Variants in DNAH12 observed in about 807,000 individuals in gnomAD.
DNAH12 encodes axonemal beta dynein heavy chain 12.
In DNAH12, 285 loss-of-function variants were observed where a neutral mutation model predicts 371.5. The ratio of observed to expected loss-of-function variants is 0.77; its 90% CI spans 0.70 to 0.85. The LOEUF is 0.85. Ranked by LOEUF, DNAH12 falls within the 40% of genes least tolerant of loss-of-function variation. The probability of loss-of-function intolerance (pLI) is 0.00; values close to 1 mark genes in which losing one functional copy is unlikely to be tolerated. For synonymous variants in DNAH12, 1,200 were observed against 1,213.0 expected, an observed-to-expected ratio of 0.99 and a Z score of 0.22; for missense variants, 3,611 against 3,689.4, an observed-to-expected ratio of 0.98 and a Z score of 0.55.
At position 57,457,774 on chromosome 3, in the gene DNAH12, C is replaced by A. The variant is rs1226186383; in HGVS notation, c.3283G>T (p.Val1095Leu). 4 of 1,551,582 alleles carry A rather than the reference C, an allele frequency of 2.6e-6. No individual in the cohort carries two copies. The highest frequency in any genetic ancestry group is 3.5e-6 in the Non-Finnish European group (4 of 1,146,978). Residue 1095 changes from valine (V) to leucine (L), a missense_variant, in exon 22 of 74, where the codon GTG becomes TTG. Val to Leu is a conservative substitution (Grantham distance 32). This residue lies in a region of DNAH12 where 1,314 missense variants were observed against 1,398.7 expected (regional missense o/e 0.94). Transcript: ENST00000495027. The stretch of plus-strand genomic sequence containing the variant: ...ACACTCCGGAGCATTAGGTCTTCCA[C>A]TTGAATGAGCCACTTTTCCACAGCA... ...RGAVEKWLIQ[V>L]EDLMLRSVHD...
chr3:57,470,049 G>A (rs1456935159), intron 16 of DNAH12, among the ~76,000 whole-genome samples: 1 of 151,836 alleles, frequency 6.6e-6, no homozygotes, highest in African/African-American at 2.4e-5. Flanking sequence ...TAATTTTGGG[G>A]GTAAACATTA....
intron 39 of DNAH12, among the ~76,000 whole-genome samples, chr3:57,410,593 G>A (rs116805630): frequency 0.024 from 3,607 of 151,914 alleles, 67 homozygotes; most frequent in Admixed American, 0.035. Flanking sequence ...CCAAGGTGGT[G>A]GATCACTTGA....
chr3:57,338,652 C>T (rs887048574), intron 60 of DNAH12, among the ~76,000 whole-genome samples: 22 of 145,598 alleles, frequency 1.5e-4, no homozygotes, highest in Admixed American at 5.4e-4. Flanking sequence ...AAGTGAGGAG[C>T]GCCTCTGCCC....
At chr3:57,508,571 A>G (rs749934089) in intron 6 of DNAH12, 31 bp from the exon 7 acceptor site, 4 of 1,592,858 alleles carry the variant, frequency 2.5e-6, no homozygotes, top group Admixed American at 1.8e-5. Flanking sequence ...ATCAAACATG[A>G]TGAAAATAAT....
intron 30 of DNAH12, among the ~76,000 whole-genome samples, chr3:57,436,412 A>G (rs2065127020): frequency 6.6e-6 from 1 of 152,168 alleles, no homozygotes; most frequent in Admixed American, 6.5e-5. Flanking sequence ...TCACATGACC[A>G]GCTGGATTTC....
intron 57 of DNAH12, among the ~76,000 whole-genome samples, chr3:57,365,146 G>A (rs1316066542): frequency 1.3e-5 from 2 of 152,118 alleles, no homozygotes; most frequent in African/African-American, 2.4e-5. Context: ...CTATTATAAA[G>A]GTACATGCAC....
chr3:57,343,099 C>T (rs1553656783), intron 60 of DNAH12, among the ~76,000 whole-genome samples: 1 of 151,758 alleles, frequency 6.6e-6, no homozygotes, highest in Non-Finnish European at 1.5e-5. Context: ...GGCAAATGAT[C>T]TGAACAGACA....
chr3:57,459,729 G>A lies in DNAH12; in HGVS notation c.2794C>T (p.Gln932Ter). ...GGCTCTAAGTACAGCCATTGAGCTT[G>A]TACTTTTAACCATTCATCAATTGTT... is the stretch of plus-strand genomic sequence containing the variant. Reference protein sequence around the residue: ...QETIDEWLKVQAQWLYLEPIF... With the variant: ...QETIDEWLKV The change falls in exon 20 of 74, where the codon CAA becomes TAA. Residue 932 changes from glutamine to a stop codon, truncating the protein, a stop_gained. Coordinates refer to ENST00000495027, the MANE Select transcript of DNAH12 (RefSeq NM_001366028.2). LOFTEE classifies it high-confidence loss of function. The A allele has an allele frequency of 1.3e-6, 2 of 1,541,100 alleles. No homozygotes were observed. The highest frequency in any genetic ancestry group is 8.8e-7 in the Non-Finnish European group (1 of 1,140,058).
chr3:57,435,454 T>C (rs986952053), intron 30 of DNAH12, among the ~76,000 whole-genome samples: 7 of 151,382 alleles, frequency 4.6e-5, no homozygotes, highest in East Asian at 1.9e-4. Flanking sequence ...CAGACTAAGA[T>C]TGTGGCTCCC....
Position 57,314,504 on chromosome 3 carries a change from C to A in DNAH12, c.10652G>T (p.Arg3551Leu), listed in dbSNP as rs754339301. ...FNESDLRISI[R>L]QLQLFINEYD... is the part of the protein sequence containing the mutation. ...TCTTGTTAATTTTACCTGCAGTTGTCGGATACTGATGCGCAAGTCAGATTC... is the reference window on the plus strand; with the variant it reads ...TCTTGTTAATTTTACCTGCAGTTGTAGGATACTGATGCGCAAGTCAGATTC... Residue 3551 changes from arginine (R) to leucine (L), a missense_variant, in exon 66 of 74, where the codon CGA becomes CTA. This residue lies in a region of DNAH12 where 2,266 missense variants were observed against 2,236.9 expected (regional missense o/e 1.01). Coordinates refer to ENST00000495027, the MANE Select transcript of DNAH12 (RefSeq NM_001366028.2). 1.2e-5 allele frequency: 19 copies of A among 1,550,656 alleles called. No homozygotes were observed. The highest frequency in any genetic ancestry group is 1.7e-4 in the Middle Eastern group (1 of 5,986).
intron 65 of DNAH12, among the ~76,000 whole-genome samples, chr3:57,319,093 G>A (rs1279657589): frequency 6.6e-6 from 1 of 152,026 alleles, no homozygotes; most frequent in Non-Finnish European, 1.5e-5. Flanking sequence ...CTCCTCAGTT[G>A]AATTTATTCC....
intron 29 of DNAH12, among the ~76,000 whole-genome samples, chr3:57,442,918 G>A (rs1243617995): frequency 6.6e-6 from 1 of 152,134 alleles, no homozygotes; most frequent in Non-Finnish European, 1.5e-5. Flanking sequence ...ATATCGTAAA[G>A]AGAAGACATG....
Position 57,446,018 on chromosome 3 carries a change from TAA to T in DNAH12, c.4179+11_4179+12del. The T allele has an allele frequency of 3.2e-6, 1 of 311,578 alleles. No homozygotes were observed. Among genetic ancestry groups the T allele is most frequent in the African/African-American group, 2.5e-5 (1 of 39,716 alleles). 19.3% of individuals were successfully genotyped at this position (311,578 alleles called of 1,614,324 possible). ...TAAAATAAATAAATAAATAAATAAA[TAA>T]ATAATATTACCTTAAGATTGTCCGG... is the stretch of plus-strand genomic sequence containing the variant. On this transcript the variant is annotated intron_variant, in intron 27 of 73. Coordinates refer to ENST00000495027, the MANE Select transcript of DNAH12 (RefSeq NM_001366028.2).
chr3:57,500,891 G>C (rs2067518595), intron 11 of DNAH12, among the ~76,000 whole-genome samples: 1 of 152,078 alleles, frequency 6.6e-6, no homozygotes, highest in African/African-American at 2.4e-5. Flanking sequence ...GAGTAAGAAG[G>C]ACTACAGGCA....
intron 37 of DNAH12, among the ~76,000 whole-genome samples, chr3:57,416,562 C>T (rs996219406): frequency 7.9e-5 from 12 of 152,200 alleles, no homozygotes; most frequent in East Asian, 5.8e-4. Context: ...GACATGGGGG[C>T]AGCATGTGAA....
chr3:57,324,585 G>A (rs1174726397), intron 62 of DNAH12, among the ~76,000 whole-genome samples: 2 of 152,120 alleles, frequency 1.3e-5, no homozygotes, highest in East Asian at 1.9e-4. Flanking sequence ...AGCCTGGGGG[G>A]AGGAGCCAAG....
chr3:57,501,487 T>C, intron 10 of DNAH12, 75 bp from the exon 11 acceptor site: 1 of 996,680 alleles, frequency 1.0e-6, no homozygotes, highest in Non-Finnish European at 1.5e-6. Context: ...TATATGATCA[T>C]GGAATGGGGA....
chr3:57,457,197 T>C (rs965645966), intron 22 of DNAH12, among the ~76,000 whole-genome samples: 2 of 152,192 alleles, frequency 1.3e-5, no homozygotes, highest in African/African-American at 2.4e-5. Context: ...CTGATTAAAA[T>C]ATTTAGATGG....
intron 4 of DNAH12, among the ~76,000 whole-genome samples, chr3:57,516,396 A>C (rs574083783): frequency 1.3e-5 from 2 of 152,126 alleles, no homozygotes; most frequent in African/African-American, 4.8e-5. Flanking sequence ...CTTGTGTGAT[A>C]GTCCCCAGTC....
Sources: gnomAD v4.1 joint callset for allele counts (sites outside exome capture counted in the v4.1 genomes callset) on GRCh38, gnomAD v4.1.1 for gene constraint, gnomAD v4.1.1 regional missense constraint, MANE v1.5 for transcripts, NCBI Gene and HGNC (gene_info 2026-07-23, HGNC 2026-07-21) for gene names.